Variants in MALRD1 observed in about 807,000 individuals in gnomAD.
MALRD1 encodes MAM and LDL receptor class A domain containing 1.
MALRD1 carries 247 observed loss-of-function variants against 242.1 expected under a neutral mutation model. That is an observed-to-expected ratio of 1.02 (90% CI 0.92 to 1.13). The LOEUF (loss-of-function observed/expected upper bound fraction) is 1.13, where lower values mean the gene tolerates loss of function less well. Among genes scored for constraint, MALRD1 ranks in the 50% most tolerant of loss-of-function variants. The pLI is 0.00. For missense variants in MALRD1, 2,989 were observed against 2,533.1 expected, an observed-to-expected ratio of 1.18 and a Z score of -3.86; for synonymous variants, 995 against 866.6, an observed-to-expected ratio of 1.15 and a Z score of -2.60.
At chr10:19,470,857 T>C (rs969576090) in intron 29 of MALRD1, among the ~76,000 whole-genome samples, 4 of 151,928 alleles carry the variant, frequency 2.6e-5, no homozygotes, top group African/African-American at 9.7e-5. Flanking sequence ...TCACAAATAT[T>C]TTCTCCTAAT....
At chr10:19,270,844 G>T (rs76107523) in intron 19 of MALRD1, among the ~76,000 whole-genome samples, 1 of 79,848 alleles carries the variant, frequency 1.3e-5, no homozygotes. Context: ...ACACACACAC[G>T]CACACACAAA....
At chr10:19,456,954 A>G (rs1186694392) in intron 29 of MALRD1, among the ~76,000 whole-genome samples, 2 of 151,848 alleles carry the variant, frequency 1.3e-5, no homozygotes, top group African/African-American at 4.8e-5. Context: ...ACAAAACAAA[A>G]CAAAAGAACC....
intron 14 of MALRD1, among the ~76,000 whole-genome samples, chr10:19,176,567 G>A (rs982576196): frequency 2.7e-5 from 4 of 149,938 alleles, no homozygotes; most frequent in East Asian, 2.0e-4. Context: ...GTAGAGACGG[G>A]GTTTCACCTT....
chr10:19,511,154 C>T (rs1833384929), intron 31 of MALRD1, among the ~76,000 whole-genome samples: 1 of 152,142 alleles, frequency 6.6e-6, no homozygotes, highest in South Asian at 2.1e-4. Flanking sequence ...CAAAGATGCT[C>T]ATTTACAGCT....
chr10:19,412,403 C>T (rs1397232577), intron 28 of MALRD1, among the ~76,000 whole-genome samples: 1 of 152,134 alleles, frequency 6.6e-6, no homozygotes, highest in African/African-American at 2.4e-5. Context: ...TGGAAAAACC[C>T]CATCAACCAG....
intron 38 of MALRD1, among the ~76,000 whole-genome samples, chr10:19,719,229 T>C (rs1250293461): frequency 3.5e-4 from 8 of 22,742 alleles, no homozygotes; most frequent in African/African-American, 1.4e-3. Flanking sequence ...CATACATATA[T>C]ATATATATAT....
rs1426534978 is a variant in MALRD1 at position 19,066,684 on chromosome 10, A to G, written c.200-35A>G. 3 of 1,231,058 alleles carry G rather than the reference A, an allele frequency of 2.4e-6. No individual in the cohort carries two copies. In the East Asian group the frequency reaches 9.5e-5, roughly 39 times the overall value. The allele number at this position is 1,231,058 out of a possible 1,614,324, so 76.3% of individuals were successfully genotyped here. A position where few individuals can be genotyped will look rare whatever the true frequency, so the allele number is the denominator to read the frequency against. On this transcript the variant is annotated intron_variant, in intron 1 of 39. Coordinates refer to ENST00000454679, the MANE Select transcript of MALRD1 (RefSeq NM_001142308.3). ...TCTTATTTTTTAAAAAGCTAAACAC[A>G]GTTGTGAAAACCAACTTTTCTTCTT...
At chr10:19,670,385 C>T (rs1841863682) in intron 36 of MALRD1, among the ~76,000 whole-genome samples, 1 of 152,146 alleles carries the variant, frequency 6.6e-6, no homozygotes, top group Non-Finnish European at 1.5e-5. Context: ...AGACCCTTTG[C>T]CTCCAACACT....
At chr10:19,492,590 A>G (rs1837541097) in intron 30 of MALRD1, among the ~76,000 whole-genome samples, 2 of 152,198 alleles carry the variant, frequency 1.3e-5, no homozygotes, top group African/African-American at 4.8e-5. Flanking sequence ...GCTTTACATA[A>G]CATGGTAGCC....
At chr10:19,331,233 C>A in intron 23 of MALRD1, 136 bp from the exon 24 acceptor site, 1 of 734,102 alleles carries the variant, frequency 1.4e-6, no homozygotes, top group Non-Finnish European at 2.2e-6. Flanking sequence ...AACATAGGGA[C>A]ATAAAAAACA....
intron 14 of MALRD1, among the ~76,000 whole-genome samples, chr10:19,196,766 C>T (rs1408842532): frequency 6.6e-6 from 1 of 152,118 alleles, no homozygotes; most frequent in Non-Finnish European, 1.5e-5. Context: ...CAGTCTTCCC[C>T]ACTTCATAAA....
chr10:19,579,353 G>A (rs919947205), intron 33 of MALRD1, among the ~76,000 whole-genome samples: 2 of 152,152 alleles, frequency 1.3e-5, no homozygotes, highest in African/African-American at 4.8e-5. Flanking sequence ...TGTTCCCAAA[G>A]TGCATGTGAA....
chr10:19,377,903 T>C (rs1341050267), intron 26 of MALRD1, among the ~76,000 whole-genome samples: 1 of 152,118 alleles, frequency 6.6e-6, no homozygotes, highest in Non-Finnish European at 1.5e-5. Context: ...TGCCCAGTTC[T>C]ATGAAATACC....
chr10:19,506,709 T>C (rs1226460791), intron 31 of MALRD1, among the ~76,000 whole-genome samples: 2 of 152,122 alleles, frequency 1.3e-5, no homozygotes, highest in African/African-American at 2.4e-5. Flanking sequence ...AAATGTAATA[T>C]GCCAGTAATA....
intron 14 of MALRD1, among the ~76,000 whole-genome samples, chr10:19,191,992 ACT>A (rs1411196426): frequency 6.6e-6 from 1 of 152,006 alleles, no homozygotes. Flanking sequence ...ATAGAGCAAA[ACT>A]CTGTCCAAAG....
rs917010231 is a variant in MALRD1, at chr10:19,685,208, A to T, written c.6138-7074A>T. 1.6e-4 allele frequency among the ~76,000 whole-genome samples: 25 copies of T among 152,262 alleles called. 1 individual carries two copies. The highest frequency in any genetic ancestry group is 5.5e-4 in the African/African-American group (23 of 41,566). On this transcript the variant is annotated intron_variant, in intron 36 of 39. Transcript: ENST00000454679. ...TAAAGATTCATGAAGCAATTTTTTC[A>T]TGCTCTCTTTAAGAACTTTTCTTTA...
intron 26 of MALRD1, among the ~76,000 whole-genome samples, chr10:19,383,828 C>G (rs1845939702): frequency 6.6e-6 from 1 of 151,496 alleles, no homozygotes; most frequent in Non-Finnish European, 1.5e-5. Flanking sequence ...CCTGGGTCTG[C>G]AGCAAAATGG....
chr10:19,262,817 T>C (rs1215871541), intron 19 of MALRD1, among the ~76,000 whole-genome samples: 2 of 152,190 alleles, frequency 1.3e-5, no homozygotes, highest in East Asian at 1.9e-4. Context: ...CGACCTCTGC[T>C]AACTACCTCT....
chr10:19,066,718 G>C lies in MALRD1; in HGVS notation c.200-1G>C. On this transcript the variant is annotated splice_acceptor_variant, in intron 1 of 39. Coordinates refer to ENST00000454679, the MANE Select transcript of MALRD1 (RefSeq NM_001142308.3). LOFTEE classifies it high-confidence loss of function. Reference sequence around the variant, plus strand: ...AACCAACTTTTCTTCTTTCTCATTAGGTTTGAATTATGAAAGATGTGATTT... The same window carrying C: ...AACCAACTTTTCTTCTTTCTCATTACGTTTGAATTATGAAAGATGTGATTT... The C allele has an allele frequency of 8.1e-7, 1 of 1,233,532 alleles. No homozygotes were observed. Among genetic ancestry groups the C allele is most frequent in the Non-Finnish European group, 1.0e-6 (1 of 987,954 alleles). The allele number at this position is 1,233,532 out of a possible 1,614,324, so 76.4% of individuals were successfully genotyped here. A position where few individuals can be genotyped will look rare whatever the true frequency, so the allele number is the denominator to read the frequency against.
Sources: gnomAD v4.1 joint callset for allele counts (sites outside exome capture counted in the v4.1 genomes callset) on GRCh38, gnomAD v4.1.1 for gene constraint, MANE v1.5 for transcripts, NCBI Gene and HGNC (gene_info 2026-07-23, HGNC 2026-07-21) for gene names.